SRCIN1: variants seen among roughly 807,000 people sequenced by gnomAD.
SRCIN1 encodes the protein P130Cas-associated protein.
In SRCIN1, 50 loss-of-function variants were observed where a neutral mutation model predicts 116.2. The ratio of observed to expected loss-of-function variants is 0.43; its 90% CI spans 0.34 to 0.54. The LOEUF is 0.54. Among genes scored for constraint, SRCIN1 ranks in the 20% least tolerant of loss-of-function variants. SRCIN1 has a pLI of 0.02. For missense variants in SRCIN1, 1,446 were observed against 1,672.0 expected, an observed-to-expected ratio of 0.86 and a Z score of 2.36; for synonymous variants, 736 against 750.0, an observed-to-expected ratio of 0.98 and a Z score of 0.30.
In SRCIN1 at chr17:38,530,032, A is replaced by G. The variant is rs201770613; in HGVS notation, c.*3265T>C. On this transcript the variant is annotated 3_prime_UTR_variant, in exon 19 of 19. Transcript: ENST00000617146. The stretch of plus-strand genomic sequence containing the variant: ...AGCCTATAGGAAGGAGATCCAGGAG[A>G]GGAAAAAGAAACAAGTTTTATTAAA... The G allele has an allele frequency of 6.6e-6, 1 of 152,238 alleles. No individual in the cohort carries two copies. The highest frequency in any genetic ancestry group is 1.5e-5 in the Non-Finnish European group (1 of 68,064). 9.4% of individuals were successfully genotyped at this position (152,238 alleles called of 1,614,324 possible).
intron 18 of SRCIN1, among the ~76,000 whole-genome samples, chr17:38,534,400 AC>A (rs1334885638): frequency 4.6e-5 from 7 of 151,940 alleles, no homozygotes; most frequent in African/African-American, 1.7e-4. Flanking sequence ...CTGCACACTT[AC>A]CTTTGAGATC....
Position 38,543,843 on chromosome 17 carries a change from G to A in SRCIN1, c.3397C>T (p.Arg1133Trp), listed in dbSNP as rs747275210. Reference protein sequence around the residue: ...KHGKQRAEYMRIQAQQQATKP... With the variant: ...KHGKQRAEYMWIQAQQQATKP... ...CTCACCTGCTGCTGGGCCTGGATCC[G>A]CATGTACTCGGCCCTCTGCTTGCCA... is the stretch of plus-strand genomic sequence containing the variant. The change falls in exon 18 of 19, where the codon CGG (arginine) becomes TGG (tryptophan). Residue 1133 changes from arginine (R) to tryptophan (W), a missense_variant. By Grantham distance (101) the Arg-to-Trp change is moderately radical (BLOSUM62 -3). Transcript: ENST00000617146. 6.8e-6 allele frequency: 11 copies of A among 1,607,306 alleles called. No homozygotes were observed. The East Asian group carries it at 8.9e-5, about 13-fold the overall frequency.
At chr17:38,576,107 A>G (rs1907402880) in intron 2 of SRCIN1, among the ~76,000 whole-genome samples, 1 of 152,126 alleles carries the variant, frequency 6.6e-6, no homozygotes, top group African/African-American at 2.4e-5. Context: ...GGAGGCCCTT[A>G]GACATGCCTA....
intron 1 of SRCIN1, among the ~76,000 whole-genome samples, chr17:38,587,274 C>T (rs954673281): frequency 4.6e-5 from 7 of 152,164 alleles, no homozygotes; most frequent in African/African-American, 1.7e-4. Context: ...GCCACCTCCA[C>T]CAACTGCACT....
chr17:38,593,753 C>T lies in SRCIN1; in HGVS notation c.22+11931G>A, dbSNP rs866405885. Reference sequence around the variant, plus strand: ...CAGCAATGACTAAATGAGCCCCATCCCCTGAAAGCCCACAGAGGGAGCACA... The same window carrying T: ...CAGCAATGACTAAATGAGCCCCATCTCCTGAAAGCCCACAGAGGGAGCACA... On this transcript the variant is annotated intron_variant, in intron 1 of 18. Transcript: ENST00000617146. Among the ~76,000 whole-genome samples, 28 of 152,230 alleles carry T rather than the reference C, an allele frequency of 1.8e-4. No homozygotes were observed. The Middle Eastern group carries it at 0.02, about 111-fold the overall frequency.
At position 38,558,187 on chromosome 17, in the gene SRCIN1, C is replaced by T; in HGVS notation, c.2201+40G>A. ...AAACCAGGTTGCGGGTCACTCCAGC[C>T]GCACCCCCACCCCTCCCTCCGCCGC... On this transcript the variant is annotated intron_variant, in intron 11 of 18. Transcript: ENST00000617146. This position sits in a 1 kb window ranked among gnomAD's most constrained non-coding sequence, Gnocchi z 4.6. 2 of 1,600,142 alleles carry T rather than the reference C, an allele frequency of 1.2e-6. No individual in the cohort carries two copies. The highest frequency in any genetic ancestry group is 1.7e-6 in the Non-Finnish European group (2 of 1,171,930).
chr17:38,565,838 G>T (rs1264839257), intron 3 of SRCIN1, among the ~76,000 whole-genome samples: 1 of 152,212 alleles, frequency 6.6e-6, no homozygotes, highest in African/African-American at 2.4e-5. Context: ...ACCACTGGGT[G>T]GGTGTGGGTC....
intron 1 of SRCIN1, among the ~76,000 whole-genome samples, chr17:38,579,531 A>C (rs919541818): frequency 3.3e-5 from 5 of 152,148 alleles, no homozygotes; most frequent in Non-Finnish European, 5.9e-5. Context: ...AACAAACTTA[A>C]AGGGAAAGAA....
At chr17:38,579,591 C>A (rs1907662143) in intron 1 of SRCIN1, among the ~76,000 whole-genome samples, 1 of 152,212 alleles carries the variant, frequency 6.6e-6, no homozygotes, top group South Asian at 2.1e-4. Context: ...CCCCACCTCT[C>A]CCCTCCCTTC....
In SRCIN1 at chr17:38,601,512, A is replaced by AG. The variant is rs1271173752; in HGVS notation, c.22+4171dup. Among the ~76,000 whole-genome samples the AG allele has an allele frequency of 4.0e-5, 6 of 151,810 alleles. No homozygotes were observed. In the East Asian group the frequency reaches 7.8e-4, roughly 20 times the overall value. On this transcript the variant is annotated intron_variant, in intron 1 of 18. Transcript: ENST00000617146. ...CTGGAGGTAGGCAAAGAGAAATATG[A>AG]GGGGCAGGGCAGAAGAGCAGGGAAC...
In SRCIN1 at chr17:38,552,175, G is replaced by T. The variant is rs1905468810; in HGVS notation, c.2481-43C>A. On this transcript the variant is annotated intron_variant, in intron 13 of 18. Coordinates refer to ENST00000617146, the MANE Select transcript of SRCIN1 (RefSeq NM_025248.3). The surrounding 1 kb of genome is among the most constrained non-coding windows in gnomAD (Gnocchi z 5.3). ...GGGAGCAGCTGTGAGGCCAGCAGGT[G>T]GTGACCCTTCTGCAGGAAGGCTGCT... 6.3e-7 allele frequency: 1 copy of T among 1,578,436 alleles called. No homozygotes were observed. Among genetic ancestry groups the T allele is most frequent in the Non-Finnish European group, 8.6e-7 (1 of 1,160,266 alleles).
rs1477813557 is a variant in SRCIN1 at position 38,533,114 on chromosome 17, A to C, written c.*183T>G. 2.4e-5 allele frequency: 12 copies of C among 508,744 alleles called. No homozygotes were observed. The highest frequency in any genetic ancestry group is 4.2e-5 in the African/African-American group (2 of 48,106). The allele number at this position is 508,744 out of a possible 1,614,324, so 31.5% of individuals were successfully genotyped here. ...AATTGTTAAAAAAAAAAAAAAAAAC[A>C]AAACCAAAAACACCAACAGATGATG... On this transcript the variant is annotated 3_prime_UTR_variant, in exon 19 of 19. Transcript: ENST00000617146.
At chr17:38,580,113 C>T (rs957664202) in intron 1 of SRCIN1, among the ~76,000 whole-genome samples, 9 of 152,136 alleles carry the variant, frequency 5.9e-5, no homozygotes, top group East Asian at 1.9e-4. Context: ...CAACAGGGGA[C>T]GCGGCTGGAA....
intron 15 of SRCIN1, among the ~76,000 whole-genome samples, chr17:38,549,651 G>T (rs1905267604): frequency 6.6e-6 from 1 of 152,122 alleles, no homozygotes; most frequent in Admixed American, 6.5e-5. Context: ...CAGGGATCCT[G>T]GCCCCTCCCA....
At position 38,563,271 on chromosome 17, in the gene SRCIN1, C is replaced by A. The variant is rs2143201497; in HGVS notation, c.740+52G>T. 5.2e-6 allele frequency: 8 copies of A among 1,546,662 alleles called. No individual in the cohort carries two copies. The highest frequency in any genetic ancestry group is 2.4e-5 in the South Asian group (2 of 84,026). On this transcript the variant is annotated intron_variant, in intron 5 of 18. Coordinates refer to ENST00000617146, the MANE Select transcript of SRCIN1 (RefSeq NM_025248.3). The surrounding 1 kb of genome is among the most constrained non-coding windows in gnomAD (Gnocchi z 5.8). Reference sequence around the variant, plus strand: ...AGGGCCGGCGGGGTCCAGCACCCTGCAGAGGAGGAGCGTGGGGAAGCCCAC... The same window carrying A: ...AGGGCCGGCGGGGTCCAGCACCCTGAAGAGGAGGAGCGTGGGGAAGCCCAC...
intron 18 of SRCIN1, among the ~76,000 whole-genome samples, chr17:38,538,255 GA>G (rs1004421896): frequency 6.8e-6 from 1 of 147,262 alleles, no homozygotes; most frequent in Admixed American, 6.8e-5. Flanking sequence ...TGTCTCTACT[GA>G]AAATACAAAA....
intron 14 of SRCIN1, 35 bp downstream of exon 14, chr17:38,551,851 C>T: frequency 6.2e-7 from 1 of 1,611,824 alleles, no homozygotes; most frequent in Non-Finnish European, 8.5e-7. Flanking sequence ...GTGAACCTGG[C>T]TCATGGCCCC....
At chr17:38,606,509 C>T (rs1909376015), upstream of SRCIN1, among the ~76,000 whole-genome samples, 1 of 152,168 alleles carries the variant, frequency 6.6e-6, no homozygotes, top group East Asian at 1.9e-4. The surrounding 1 kb of genome is among the most constrained non-coding windows in gnomAD (Gnocchi z 5.2). Flanking sequence ...CTGGGCTCCC[C>T]GGCGCCCCCT....
intron 1 of SRCIN1, among the ~76,000 whole-genome samples, chr17:38,595,957 C>G (rs1229384875): frequency 6.6e-6 from 1 of 152,202 alleles, no homozygotes; most frequent in Non-Finnish European, 1.5e-5. Flanking sequence ...GGGATAGCCC[C>G]CTCTCCGTTT....
Sources: allele counts gnomAD v4.1 joint callset (sites outside exome capture counted in the v4.1 genomes callset), GRCh38; gene constraint gnomAD v4.1.1; non-coding constraint Gnocchi (gnomAD v3.1); transcripts MANE v1.5; gene names NCBI Gene and HGNC (gene_info 2026-07-23, HGNC 2026-07-21).